Variants in ADAMTS2 observed in about 807,000 individuals in gnomAD.
ADAMTS2 encodes A disintegrin and metalloproteinase with thrombospondin motifs 2.
Under a neutral mutation model 123.0 loss-of-function variants are expected in ADAMTS2, and 50 were observed. The observed-to-expected ratio is 0.41, with a 90% CI of 0.32 to 0.51. ADAMTS2 has a LOEUF of 0.51. Ranked by LOEUF, ADAMTS2 falls within the 20% of genes least tolerant of loss-of-function variation. ADAMTS2 has a pLI of 0.35. For missense variants in ADAMTS2, 1,494 were observed against 1,705.2 expected (o/e 0.88, Z 2.18); for synonymous variants, 678 against 695.4 (o/e 0.98, Z 0.39).
At chr5:179,157,301 C>T (rs7729756) in intron 6 of ADAMTS2, among the ~76,000 whole-genome samples, 42,433 of 151,942 alleles carry the variant, frequency 0.28, 6,032 homozygotes, top group East Asian at 0.33. Context: ...AAAGCTGTGT[C>T]GGTTTCCCCT....
rs772201610 is a variant in ADAMTS2 at position 179,129,920 on chromosome 5, G to C, written c.2457+12C>G. The stretch of plus-strand genomic sequence containing the variant: ...CGCACCCTTCCCTGGGCCCAGCCCT[G>C]CTTGGACTCACCAGAACGGTGATGG... On this transcript the variant is annotated intron_variant, in intron 16 of 21. Transcript: ENST00000251582. The surrounding 1 kb of genome is among the most constrained non-coding windows in gnomAD (Gnocchi z 4.1). 1.6e-5 allele frequency: 26 copies of C among 1,613,600 alleles called. No individual in the cohort carries two copies. The highest frequency in any genetic ancestry group is 2.2e-5 in the Non-Finnish European group (26 of 1,180,038).
chr5:179,309,585 G>A (rs1756768130), intron 2 of ADAMTS2, among the ~76,000 whole-genome samples: 1 of 151,994 alleles, frequency 6.6e-6, no homozygotes, highest in Non-Finnish European at 1.5e-5. Flanking sequence ...GTGAAACCCT[G>A]TCTGTACTAA....
At chr5:179,149,379 A>G (rs1382003048) in intron 10 of ADAMTS2, among the ~76,000 whole-genome samples, 1 of 152,226 alleles carries the variant, frequency 6.6e-6, no homozygotes, top group Admixed American at 6.5e-5. Flanking sequence ...TGCGAAGAAC[A>G]AGGCTCTGTT....
intron 2 of ADAMTS2, among the ~76,000 whole-genome samples, chr5:179,301,559 G>C (rs981428847): frequency 1.3e-5 from 2 of 152,222 alleles, no homozygotes; most frequent in Admixed American, 6.5e-5. Context: ...CTGGGACAGG[G>C]GCATCTCTTG....
rs539913038 is a variant in ADAMTS2 at position 179,259,519 on chromosome 5, C to T, written c.688+13392G>A. On this transcript the variant is annotated intron_variant, in intron 3 of 21. Coordinates refer to ENST00000251582, the MANE Select transcript of ADAMTS2 (RefSeq NM_014244.5). ...GGTGCTTTATGTCCAGAGACAACCG[C>T]GCAGGGAACAGTGGCCAAGGCACGC... Among the ~76,000 whole-genome samples the T allele has an allele frequency of 1.1e-4, 16 of 152,268 alleles. No homozygotes were observed. In the South Asian group the frequency reaches 2.7e-3, roughly 26 times the overall value.
intron 10 of ADAMTS2, 152 bp from the exon 11 acceptor site, chr5:179,140,187 C>G (rs1359279148): frequency 8.4e-7 from 1 of 1,184,412 alleles, no homozygotes; most frequent in Non-Finnish European, 1.2e-6. Context: ...ATGCTCAGAG[C>G]CCCCAGAAGA....
chr5:179,344,123 C>T lies in ADAMTS2; in HGVS notation c.178G>A (p.Val60Met), dbSNP rs879396150. The T allele has an allele frequency of 1.2e-6, 2 of 1,607,378 alleles. No homozygotes were observed. Among genetic ancestry groups the T allele is most frequent in the Non-Finnish European group, 1.7e-6 (2 of 1,177,468 alleles). ...CCCTGGGCGTCAGTGCGCACGGGCA[C>T]CGCCAGGATGCGCTCCGCTCCGTGC... ...LGHGAERILA[V>M]PVRTDAQGRL... Residue 60 changes from valine to methionine, a missense_variant, in exon 2 of 22, where the codon GTG becomes ATG. Around this residue, in one of 6 missense-constraint regions of ADAMTS2, gnomAD observed 237 missense variants for 233.7 expected, o/e 1.01. Transcript: ENST00000251582.
chr5:179,306,565 C>T (rs1444121399), intron 2 of ADAMTS2, among the ~76,000 whole-genome samples: 1 of 152,170 alleles, frequency 6.6e-6, no homozygotes, highest in Non-Finnish European at 1.5e-5. Flanking sequence ...TCCTACTCAA[C>T]CTTGGGTTGA....
chr5:179,284,358 A>C (rs1277162050), intron 2 of ADAMTS2, among the ~76,000 whole-genome samples: 1 of 152,018 alleles, frequency 6.6e-6, no homozygotes, highest in African/African-American at 2.4e-5. Context: ...AAAACAGACA[A>C]CAAAAACAAT....
chr5:179,163,429 T>G (rs774134537), intron 5 of ADAMTS2, among the ~76,000 whole-genome samples: 6 of 152,162 alleles, frequency 3.9e-5, no homozygotes, highest in African/African-American at 1.4e-4. Flanking sequence ...GGCCCAGAGC[T>G]GCTGGATCAG....
intron 2 of ADAMTS2, among the ~76,000 whole-genome samples, chr5:179,278,191 C>CCCAGGACCATCAGCTGACGTCCTG (rs1766798092): frequency 7.0e-6 from 1 of 143,584 alleles, no homozygotes; most frequent in Non-Finnish European, 1.5e-5. Context: ...GGCTGACCCC[C>CCCAGGACCATCAGCTGACGTCCTG]CCAAGACCAT....
intron 3 of ADAMTS2, among the ~76,000 whole-genome samples, chr5:179,250,681 G>A (rs757544274): frequency 5.9e-5 from 9 of 152,240 alleles, no homozygotes; most frequent in Admixed American, 2.6e-4. Flanking sequence ...GCTGTCCAGT[G>A]TTGTGTAGCG....
intron 10 of ADAMTS2, among the ~76,000 whole-genome samples, chr5:179,149,521 A>G (rs1763311703): frequency 6.6e-6 from 1 of 152,238 alleles, no homozygotes; most frequent in African/African-American, 2.4e-5. Flanking sequence ...CGCAGGAACC[A>G]GGAGCCAGGA....
chr5:179,343,206 G>A (rs534149783), intron 2 of ADAMTS2, among the ~76,000 whole-genome samples: 1 of 152,198 alleles, frequency 6.6e-6, no homozygotes, highest in Non-Finnish European at 1.5e-5. Context: ...TTACCCGCAC[G>A]CAAGGAAACA....
intron 3 of ADAMTS2, among the ~76,000 whole-genome samples, chr5:179,218,040 C>T (rs1765042464): frequency 6.6e-6 from 1 of 152,226 alleles, no homozygotes; most frequent in South Asian, 2.1e-4. Context: ...AAACGTAAGT[C>T]CTAATGACCG....
intron 2 of ADAMTS2, among the ~76,000 whole-genome samples, chr5:179,330,625 C>G (rs403488): frequency 0.61 from 92,426 of 152,142 alleles, 28,408 homozygotes; most frequent in South Asian, 0.77. Context: ...CCCAGCGCTG[C>G]GCACCCTCCA....
Position 179,329,326 on chromosome 5 carries a change from CAA to C in ADAMTS2, c.534+14439_534+14440del, listed in dbSNP as rs79153534. ...TGGGCAACAGAGTGAGACTCCGTCT[CAA>C]AAAAAAAAAAAAAAACAAAACAAAA... On this transcript the variant is annotated intron_variant, in intron 2 of 21. Coordinates refer to ENST00000251582, the MANE Select transcript of ADAMTS2 (RefSeq NM_014244.5). Among the ~76,000 whole-genome samples the C allele has an allele frequency of 5.2e-4, 45 of 85,716 alleles. No individual in the cohort carries two copies. In the East Asian group the frequency reaches 6.2e-3, roughly 12 times the overall value. 56.2% of individuals were successfully genotyped at this position (85,716 alleles called of 152,430 possible). A position where few individuals can be genotyped will look rare whatever the true frequency, so the allele number is the denominator to read the frequency against.
chr5:179,241,435 G>A (rs1232559062), intron 3 of ADAMTS2, among the ~76,000 whole-genome samples: 7 of 152,188 alleles, frequency 4.6e-5, no homozygotes, highest in African/African-American at 1.7e-4. Context: ...GGGCTTCCAC[G>A]TCCAGCAAAA....
Position 179,207,547 on chromosome 5 carries a change from T to C in ADAMTS2, c.857A>G (p.His286Arg). 1 of 1,538,198 alleles carries C rather than the reference T, an allele frequency of 6.5e-7. No individual in the cohort carries two copies. The highest frequency in any genetic ancestry group is 8.8e-7 in the Non-Finnish European group (1 of 1,135,964). The change falls in exon 4 of 22, where the codon CAC (histidine) becomes CGC (arginine). Residue 286 changes from histidine (H) to arginine (R), a missense_variant. By Grantham distance (29) the His-to-Arg change is conservative. Coordinates refer to ENST00000251582, the MANE Select transcript of ADAMTS2 (RefSeq NM_014244.5). The part of the protein sequence containing the change: ...DSVVQFHGKE[H>R]VQKYLLTLMN... ...GAGTGTCAGCAGGTACTTCTGTACG[T>C]GCTCCTTCCCGTGGAACTGCACCAC...
Sources: gnomAD v4.1 joint callset for allele counts (sites outside exome capture counted in the v4.1 genomes callset) on GRCh38, gnomAD v4.1.1 for gene constraint, gnomAD v4.1.1 regional missense constraint, Gnocchi (gnomAD v3.1) non-coding constraint, MANE v1.5 for transcripts, NCBI Gene and HGNC (gene_info 2026-07-23, HGNC 2026-07-21) for gene names.